The following TMC7 variants were observed in gnomAD, a reference collection of about 807,000 sequenced individuals.
TMC7 encodes transmembrane channel-like protein 7.
In TMC7, 54 loss-of-function variants were observed where a neutral mutation model predicts 82.9. That is an observed-to-expected ratio of 0.65 (90% CI 0.52 to 0.82). TMC7 has a LOEUF of 0.82. Among genes scored for constraint, TMC7 ranks in the 40% least tolerant of loss-of-function variants. The probability of loss-of-function intolerance (pLI) is 0.00; values close to 1 mark genes in which losing one functional copy is unlikely to be tolerated. For missense variants in TMC7, 820 were observed against 901.2 expected, an observed-to-expected ratio of 0.91 and a Z score of 1.15; for synonymous variants, 350 against 337.9, an observed-to-expected ratio of 1.04 and a Z score of -0.39.
rs755686664 is a variant in TMC7, at chr16:19,016,569, T to G, written c.431T>G (p.Leu144Arg). The G allele has an allele frequency of 1.9e-6, 3 of 1,613,906 alleles. No homozygotes were observed. In the African/African-American group the frequency reaches 4.0e-5, roughly 22 times the overall value. The change falls in exon 3 of 16, where the codon CTG (leucine) becomes CGG (arginine). Residue 144 changes from leucine to arginine, a missense_variant. Transcript: ENST00000304381. Reference protein sequence around the residue: ...KAREMTTHLELWREDIRSIEG... With the variant: ...KAREMTTHLERWREDIRSIEG... ...CGAGAGATGACGACCCACCTGGAGC[T>G]GTGGCGGGAGGACATCCGCAGCATA...
chr16:18,984,633 A>G, intron 1 of TMC7: 1 of 537,254 alleles, frequency 1.9e-6, no homozygotes, highest in South Asian at 8.1e-5. Flanking sequence ...TAAAATGGGA[A>G]TAGAATGGGG....
At chr16:19,052,033 T>C (rs1220763986) in intron 13 of TMC7, among the ~76,000 whole-genome samples, 1 of 151,926 alleles carries the variant, frequency 6.6e-6, no homozygotes, top group Non-Finnish European at 1.5e-5. Flanking sequence ...AAACTCCATC[T>C]CCCCAGGTTC....
intron 9 of TMC7, among the ~76,000 whole-genome samples, chr16:19,040,848 C>A (rs1023122097): frequency 2.6e-5 from 4 of 151,130 alleles, no homozygotes; most frequent in African/African-American, 9.7e-5. Context: ...ATTGCATTTG[C>A]ATCTTATTTC....
chr16:19,036,376 G>A (rs540220403), intron 7 of TMC7, among the ~76,000 whole-genome samples: 110 of 152,334 alleles, frequency 7.2e-4, no homozygotes, highest in African/African-American at 2.5e-3. Flanking sequence ...AGGCATGGTG[G>A]CACATGCCTG....
chr16:18,984,331 A>C (rs1567493186), intron 1 of TMC7: 2 of 1,299,350 alleles, frequency 1.5e-6, no homozygotes, highest in Non-Finnish European at 1.9e-6. Context: ...CATCCAATCC[A>C]GTGGAACCCA....
chr16:18,998,106 T>G (rs533306751), intron 1 of TMC7, among the ~76,000 whole-genome samples: 49 of 152,294 alleles, frequency 3.2e-4, no homozygotes, highest in African/African-American at 1.2e-3. Context: ...CTGTGGCTGC[T>G]TTCCTGCTAC....
intron 1 of TMC7, among the ~76,000 whole-genome samples, chr16:19,000,308 A>G (rs1383644239): frequency 6.6e-6 from 1 of 151,824 alleles, no homozygotes; most frequent in African/African-American, 2.4e-5. Flanking sequence ...TCTACCAAAA[A>G]TACAAAAAAT....
intron 1 of TMC7, among the ~76,000 whole-genome samples, chr16:18,995,495 A>G (rs565349765): frequency 3.3e-5 from 5 of 152,278 alleles, no homozygotes; most frequent in East Asian, 3.9e-4. Flanking sequence ...GGACAGTCCA[A>G]TTTCCAATGG....
chr16:19,013,311 C>T lies in TMC7; in HGVS notation c.312-3139C>T, dbSNP rs538528343. On this transcript the variant is annotated intron_variant, in intron 2 of 15. Coordinates refer to ENST00000304381, the MANE Select transcript of TMC7 (RefSeq NM_024847.4). ...TCGGCTCACCACAACCTCTGCCTCCCGGGTTCAAGCGATTCTCCTGCCTCA... is the reference window on the plus strand; with the variant it reads ...TCGGCTCACCACAACCTCTGCCTCCTGGGTTCAAGCGATTCTCCTGCCTCA... Among the ~76,000 whole-genome samples the T allele has an allele frequency of 4.3e-4, 65 of 151,854 alleles. No homozygotes were observed. In the Middle Eastern group the frequency reaches 0.017, roughly 40 times the overall value.
At position 19,061,950 on chromosome 16, in the gene TMC7, A is replaced by T. The variant is rs1041831280; in HGVS notation, c.*107A>T. On this transcript the variant is annotated 3_prime_UTR_variant, in exon 16 of 16. Coordinates refer to ENST00000304381, the MANE Select transcript of TMC7 (RefSeq NM_024847.4). Reference sequence around the variant, plus strand: ...GTTTTGAGTGGACATTTAAAAATATATTTTTCTTGAGTTTAGGCTTTTCCA... The same window carrying T: ...GTTTTGAGTGGACATTTAAAAATATTTTTTTCTTGAGTTTAGGCTTTTCCA... 14 of 914,092 alleles carry T rather than the reference A, an allele frequency of 1.5e-5. No homozygotes were observed. Among genetic ancestry groups the T allele is most frequent in the African/African-American group, 5.1e-5 (3 of 58,262 alleles). The allele number at this position is 914,092 out of a possible 1,614,324, so 56.6% of individuals were successfully genotyped here.
In TMC7 at chr16:19,056,526, G is replaced by T. The variant is rs374691189; in HGVS notation, c.1872-16G>T. The T allele has an allele frequency of 2.2e-5, 36 of 1,611,526 alleles. No individual in the cohort carries two copies. Among genetic ancestry groups the T allele is most frequent in the Non-Finnish European group, 3.0e-5 (35 of 1,178,732 alleles). ...CTGCACGCTCCTTCTGAGCCCGTTGGTCTGTGTCCTGGCAGCATCCCTTCC... is the reference window on the plus strand; with the variant it reads ...CTGCACGCTCCTTCTGAGCCCGTTGTTCTGTGTCCTGGCAGCATCCCTTCC... On this transcript the variant is annotated splice_polypyrimidine_tract_variant and intron_variant, in intron 13 of 15. Transcript: ENST00000304381.
intron 1 of TMC7, among the ~76,000 whole-genome samples, chr16:18,998,670 C>T (rs1220482722): frequency 2.6e-5 from 4 of 151,570 alleles, no homozygotes; most frequent in Non-Finnish European, 5.9e-5. Flanking sequence ...AGGAGAATGG[C>T]GTGAACCCAG....
At chr16:19,061,600 T>TA (rs542922295) in intron 15 of TMC7, among the ~76,000 whole-genome samples, 178 bp from the exon 16 acceptor site, 1 of 152,174 alleles carries the variant, frequency 6.6e-6, no homozygotes, top group Non-Finnish European at 1.5e-5. Context: ...GTGCATTTTT[T>TA]AAAAAAAGGA....
At chr16:19,056,365 C>T (rs148509711) in intron 13 of TMC7, among the ~76,000 whole-genome samples, 177 bp from the exon 14 acceptor site, 10 of 152,260 alleles carry the variant, frequency 6.6e-5, no homozygotes, top group Non-Finnish European at 1.3e-4. Context: ...GGATGACATT[C>T]GTGAGCCACC....
intron 14 of TMC7, among the ~76,000 whole-genome samples, chr16:19,058,237 A>G (rs909007919): frequency 2.6e-5 from 4 of 152,108 alleles, no homozygotes; most frequent in African/African-American, 9.7e-5. Flanking sequence ...ACTAAAAAAT[A>G]TATAAAATTA....
At chr16:18,992,488 C>T (rs1331025351) in intron 1 of TMC7, among the ~76,000 whole-genome samples, 25 of 152,054 alleles carry the variant, frequency 1.6e-4, no homozygotes, top group South Asian at 4.1e-4. Context: ...TTGTAGATTC[C>T]GGATATTAGC....
At chr16:19,036,494 C>T (rs562312068) in intron 7 of TMC7, among the ~76,000 whole-genome samples, 3 of 149,608 alleles carry the variant, frequency 2.0e-5, no homozygotes, top group African/African-American at 2.5e-5. Context: ...GGTGACAGAG[C>T]GAGACTCCGT....
At chr16:18,992,389 T>A (rs980272147) in intron 1 of TMC7, among the ~76,000 whole-genome samples, 2 of 152,380 alleles carry the variant, frequency 1.3e-5, no homozygotes, top group African/African-American at 4.8e-5. Context: ...GCTTCTTAAA[T>A]GTCTTCTTTT....
chr16:19,059,645 C>T, intron 15 of TMC7, 151 bp downstream of exon 15: 1 of 1,555,256 alleles, frequency 6.4e-7, no homozygotes. Flanking sequence ...CCAGCCGCGT[C>T]CAGCTTCATT....
Sources: gnomAD v4.1 joint callset for allele counts (sites outside exome capture counted in the v4.1 genomes callset) on GRCh38, gnomAD v4.1.1 for gene constraint, MANE v1.5 for transcripts, NCBI Gene and HGNC (gene_info 2026-07-23, HGNC 2026-07-21) for gene names.